Variants in SPDYA observed in about 807,000 individuals in gnomAD.
SPDYA encodes speedy protein A.
A neutral mutation model predicts 36.7 loss-of-function variants in SPDYA; 11 were observed. The ratio of observed to expected loss-of-function variants is 0.30; its 90% CI spans 0.19 to 0.50. The LOEUF (loss-of-function observed/expected upper bound fraction) is 0.50. SPDYA is among the 20% of genes least tolerant of loss of function. The pLI is 0.98. For missense variants in SPDYA, 287 were observed against 370.9 expected, an observed-to-expected ratio of 0.77 and a Z score of 1.86; for synonymous variants, 115 against 118.7, an observed-to-expected ratio of 0.97 and a Z score of 0.20.
intron 7 of SPDYA, among the ~76,000 whole-genome samples, chr2:28,846,487 AAGGT>A (rs1338435534): frequency 2.0e-5 from 3 of 152,104 alleles, no homozygotes; most frequent in African/African-American, 7.2e-5. Context: ...CTGGGTATAA[AAGGT>A]AGGGCCTCTG....
chr2:28,812,691 T>G (rs1667877749), intron 1 of SPDYA, among the ~76,000 whole-genome samples: 1 of 151,796 alleles, frequency 6.6e-6, no homozygotes, highest in African/African-American at 2.4e-5. Flanking sequence ...ACCCCATCTC[T>G]ACTGAAAATA....
chr2:28,833,459 C>T (rs1305345269), intron 6 of SPDYA, among the ~76,000 whole-genome samples: 1 of 152,168 alleles, frequency 6.6e-6, no homozygotes, highest in Non-Finnish European at 1.5e-5. Flanking sequence ...TTCCTAACTA[C>T]GTTCAGGATT....
At chr2:28,823,990 G>A (rs889153812) in intron 5 of SPDYA, among the ~76,000 whole-genome samples, 5 of 150,362 alleles carry the variant, frequency 3.3e-5, no homozygotes, top group South Asian at 2.1e-4. Context: ...CAAGTGATCC[G>A]CCTGCCTCAG....
intron 2 of SPDYA, among the ~76,000 whole-genome samples, chr2:28,815,243 A>G (rs1239507706): frequency 2.0e-5 from 3 of 150,886 alleles, no homozygotes; most frequent in East Asian, 3.9e-4. Context: ...AATCATGCCA[A>G]CGTACTCCAG....
chr2:28,842,833 A>G (rs1558332296), intron 7 of SPDYA, among the ~76,000 whole-genome samples: 2 of 152,178 alleles, frequency 1.3e-5, no homozygotes, highest in Non-Finnish European at 2.9e-5. Context: ...AGTGCAGGAT[A>G]ATAGGAACAC....
chr2:28,825,856 G>A (rs916514296), intron 5 of SPDYA, among the ~76,000 whole-genome samples: 4 of 151,366 alleles, frequency 2.6e-5, no homozygotes, highest in Admixed American at 6.6e-5. Flanking sequence ...TCTTGCCTCA[G>A]CCTCCTGAGT....
intron 7 of SPDYA, chr2:28,840,774 G>T: frequency 9.5e-7 from 1 of 1,051,516 alleles, no homozygotes; most frequent in Non-Finnish European, 1.2e-6. Context: ...AGGGTTTCAA[G>T]AAGAAAATAA....
chr2:28,846,939 T>C (rs1384863023), intron 7 of SPDYA, among the ~76,000 whole-genome samples: 1 of 152,088 alleles, frequency 6.6e-6, no homozygotes, highest in African/African-American at 2.4e-5. Context: ...AAGTAGACAA[T>C]TGGGGATTGA....
intron 5 of SPDYA, among the ~76,000 whole-genome samples, chr2:28,828,843 C>T (rs888617426): frequency 1.3e-5 from 2 of 152,062 alleles, no homozygotes; most frequent in Non-Finnish European, 2.9e-5. Context: ...ATAACTAGCC[C>T]CAGACTGAAC....
chr2:28,821,491 G>A (rs1444439377), intron 4 of SPDYA, among the ~76,000 whole-genome samples: 3 of 152,064 alleles, frequency 2.0e-5, no homozygotes, highest in Non-Finnish European at 2.9e-5. Flanking sequence ...GTGAGCCACT[G>A]CGCCCGTCAG....
intron 4 of SPDYA, among the ~76,000 whole-genome samples, chr2:28,820,493 G>T (rs1380310647): frequency 6.6e-6 from 1 of 152,062 alleles, no homozygotes; most frequent in Non-Finnish European, 1.5e-5. Context: ...GGCTGAGACA[G>T]GAGAATTGCT....
intron 6 of SPDYA, among the ~76,000 whole-genome samples, chr2:28,834,847 C>T (rs563854061): frequency 2.0e-4 from 30 of 152,236 alleles, no homozygotes; most frequent in African/African-American, 7.2e-4. Context: ...TTGGGTGATT[C>T]TAAGGTATTT....
chr2:28,841,209 C>T (rs1304491477), intron 7 of SPDYA, among the ~76,000 whole-genome samples: 9 of 151,986 alleles, frequency 5.9e-5, no homozygotes, highest in Admixed American at 2.0e-4. Context: ...GCTGGGATTA[C>T]GGACACGAGC....
intron 4 of SPDYA, among the ~76,000 whole-genome samples, chr2:28,820,326 C>T (rs1390586411): frequency 6.6e-6 from 1 of 152,054 alleles, no homozygotes; most frequent in Non-Finnish European, 1.5e-5. Flanking sequence ...GTCGCTCATA[C>T]CTGTGATCCT....
intron 6 of SPDYA, among the ~76,000 whole-genome samples, chr2:28,835,348 C>T (rs147568215): frequency 0.024 from 3,643 of 152,218 alleles, 68 homozygotes; most frequent in Non-Finnish European, 0.035. Context: ...GCCTCGGCTT[C>T]CCAAGTAGCT....
At chr2:28,813,377 G>A (rs1381912727) in intron 1 of SPDYA, among the ~76,000 whole-genome samples, 1 of 152,108 alleles carries the variant, frequency 6.6e-6, no homozygotes, top group African/African-American at 2.4e-5. Context: ...TTAGCATTGA[G>A]TAAAACTTAT....
At chr2:28,833,036 A>G (rs1046502645) in intron 6 of SPDYA, among the ~76,000 whole-genome samples, 53 of 152,140 alleles carry the variant, frequency 3.5e-4, no homozygotes, top group African/African-American at 9.2e-4. Context: ...GGGTCTCGCT[A>G]TGTTGCCCAG....
At chr2:28,830,847 A>G (rs1171319844) in intron 6 of SPDYA, among the ~76,000 whole-genome samples, 1 of 152,192 alleles carries the variant, frequency 6.6e-6, no homozygotes, top group Non-Finnish European at 1.5e-5. Context: ...GGTTTTTAAT[A>G]AAGTCACTAT....
intron 1 of SPDYA, among the ~76,000 whole-genome samples, chr2:28,813,885 A>G (rs886370393): frequency 2.6e-5 from 4 of 152,088 alleles, no homozygotes; most frequent in Admixed American, 6.6e-5. Context: ...TCTTACTTTG[A>G]AAAAAATATG....
Sources: gnomAD v4.1 joint callset for allele counts (sites outside exome capture counted in the v4.1 genomes callset) on GRCh38, gnomAD v4.1.1 for gene constraint, MANE v1.5 for transcripts, NCBI Gene and HGNC (gene_info 2026-07-23, HGNC 2026-07-21) for gene names.